MACROD2: variants seen among roughly 807,000 people sequenced by gnomAD.
MACROD2 encodes the protein ADP-ribose glycohydrolase MACROD2.
MACROD2 carries 36 observed loss-of-function variants against 70.4 expected under a neutral mutation model. The observed-to-expected ratio is 0.51, with a 90% CI of 0.39 to 0.68. The LOEUF is 0.68. Among genes scored for constraint, MACROD2 ranks in the 30% least tolerant of loss-of-function variants. The pLI is 0.00. For missense variants in MACROD2, 496 were observed against 538.4 expected, an observed-to-expected ratio of 0.92 and a Z score of 0.78; for synonymous variants, 172 against 178.8, an observed-to-expected ratio of 0.96 and a Z score of 0.30.
intron 3 of MACROD2, among the ~76,000 whole-genome samples, chr20:14,086,715 C>T (rs2054080463): frequency 6.6e-6 from 1 of 152,072 alleles, no homozygotes; most frequent in South Asian, 2.1e-4. Flanking sequence ...CATTGACCAA[C>T]CAGAATGGTA....
At chr20:15,228,229 C>G (rs2145978742) in intron 5 of MACROD2, among the ~76,000 whole-genome samples, 1 of 152,208 alleles carries the variant, frequency 6.6e-6, no homozygotes, top group African/African-American at 2.4e-5. Context: ...TTATCCTTCA[C>G]TTCTATATTG....
intron 15 of MACROD2, among the ~76,000 whole-genome samples, chr20:15,999,243 A>G (rs186315699): frequency 6.6e-6 from 1 of 151,814 alleles, no homozygotes; most frequent in Non-Finnish European, 1.5e-5. Flanking sequence ...TTTTTGACCT[A>G]TTGGTTGTTC....
intron 5 of MACROD2, among the ~76,000 whole-genome samples, chr20:15,196,267 GAAAA>G (rs58567238): frequency 7.0e-6 from 1 of 142,600 alleles, no homozygotes; most frequent in African/African-American, 2.6e-5. Flanking sequence ...ATTAAAAAAT[GAAAA>G]AAAAAAGAAT....
chr20:14,489,860 CT>C (rs11356639), intron 3 of MACROD2, among the ~76,000 whole-genome samples: 58,744 of 143,250 alleles, frequency 0.41, 11,973 homozygotes, highest in African/African-American at 0.5. Flanking sequence ...TGAAATACTT[CT>C]TTTTTTTTTT....
chr20:15,708,811 G>A (rs528708056), intron 8 of MACROD2, among the ~76,000 whole-genome samples: 1 of 152,116 alleles, frequency 6.6e-6, no homozygotes, highest in South Asian at 2.1e-4. Context: ...GATTGTTTAA[G>A]GCCAGGAGTT....
intron 4 of MACROD2, among the ~76,000 whole-genome samples, chr20:14,532,768 C>T (rs1361803671): frequency 6.6e-6 from 1 of 152,132 alleles, no homozygotes; most frequent in Non-Finnish European, 1.5e-5. Flanking sequence ...TAATTTACTA[C>T]ATATATTGCT....
chr20:15,895,841 C>T (rs943339326), intron 10 of MACROD2, among the ~76,000 whole-genome samples: 8 of 152,266 alleles, frequency 5.3e-5, no homozygotes, highest in Non-Finnish European at 1.2e-4. Context: ...AACTTTGAAC[C>T]GCATTGAGGT....
intron 6 of MACROD2, among the ~76,000 whole-genome samples, chr20:15,231,273 T>C (rs1372322796): frequency 6.6e-6 from 1 of 152,032 alleles, no homozygotes; most frequent in Non-Finnish European, 1.5e-5. Flanking sequence ...ATACATAAGA[T>C]CCTATTCTCT....
chr20:15,175,821 C>T (rs2076456886), intron 5 of MACROD2, among the ~76,000 whole-genome samples: 2 of 152,174 alleles, frequency 1.3e-5, no homozygotes, highest in Admixed American at 1.3e-4. Context: ...TCCATAGAGC[C>T]AGTGGGGGCC....
chr20:15,444,508 T>A (rs892476081), intron 7 of MACROD2, among the ~76,000 whole-genome samples: 2 of 152,178 alleles, frequency 1.3e-5, no homozygotes, highest in African/African-American at 4.8e-5. Flanking sequence ...GCTTGATGGC[T>A]CTGGTGTCCT....
chr20:15,105,214 G>A (rs2075901835), intron 5 of MACROD2, among the ~76,000 whole-genome samples: 1 of 152,082 alleles, frequency 6.6e-6, no homozygotes, highest in African/African-American at 2.4e-5. Flanking sequence ...CTCCAACTCA[G>A]CTTCTCTTCC....
In MACROD2 at chr20:15,532,207, A is replaced by G. The variant is rs193300051; in HGVS notation, c.645+32360A>G. 3.3e-5 allele frequency among the ~76,000 whole-genome samples: 5 copies of G among 152,242 alleles called. No individual in the cohort carries two copies. In the East Asian group the frequency reaches 7.7e-4, roughly 24 times the overall value. ...TTTGAATTCAGATGTACAATGAATA[A>G]TTACCTTAATATAAATGTGTCCTAA... On this transcript the variant is annotated intron_variant, in intron 8 of 17. Transcript: ENST00000684519.
intron 13 of MACROD2, among the ~76,000 whole-genome samples, chr20:15,975,287 T>C (rs1170394946): frequency 3.3e-5 from 5 of 152,116 alleles, no homozygotes; most frequent in African/African-American, 1.2e-4. Flanking sequence ...ATAATATTCG[T>C]GGGAGACTGA....
At chr20:15,844,602 C>A (rs115784312) in intron 8 of MACROD2, among the ~76,000 whole-genome samples, 1 of 152,158 alleles carries the variant, frequency 6.6e-6, no homozygotes, top group East Asian at 1.9e-4. Flanking sequence ...CTTCACCGTA[C>A]ACCTAGTGTT....
chr20:15,689,842 GC>G (rs771972399), intron 8 of MACROD2, among the ~76,000 whole-genome samples: 1 of 152,220 alleles, frequency 6.6e-6, no homozygotes, highest in Non-Finnish European at 1.5e-5. Context: ...GGTGGAGAAA[GC>G]CCTGTGAGAT....
At chr20:15,059,847 GGATGTA>G (rs2123075877) in intron 5 of MACROD2, among the ~76,000 whole-genome samples, 1 of 152,318 alleles carries the variant, frequency 6.6e-6, no homozygotes, top group East Asian at 1.9e-4. Flanking sequence ...GGAGGTAAAT[GGATGTA>G]GCTAAGTAAT....
At chr20:14,475,748 A>T (rs1300064840) in intron 3 of MACROD2, among the ~76,000 whole-genome samples, 1 of 152,130 alleles carries the variant, frequency 6.6e-6, no homozygotes, top group Non-Finnish European at 1.5e-5. Flanking sequence ...CCTCTTGAGG[A>T]GTCTGCTGCC....
chr20:14,052,951 A>T (rs1158493972), intron 2 of MACROD2: 2 of 152,206 alleles, frequency 1.3e-5, no homozygotes, highest in African/African-American at 4.8e-5. Context: ...AGTGAGCATA[A>T]AATTGGTCAA....
intron 6 of MACROD2, among the ~76,000 whole-genome samples, chr20:15,294,001 C>T (rs909630415): frequency 6.6e-6 from 1 of 151,612 alleles, no homozygotes; most frequent in Non-Finnish European, 1.5e-5. Context: ...GCACCTGTAA[C>T]CCCAGCTACT....
Sources: allele counts gnomAD v4.1 joint callset (sites outside exome capture counted in the v4.1 genomes callset), GRCh38; gene constraint gnomAD v4.1.1; transcripts MANE v1.5; gene names NCBI Gene and HGNC (gene_info 2026-07-23, HGNC 2026-07-21).